Variants in ZNF385D observed in about 807,000 individuals in gnomAD.
ZNF385D encodes zinc finger protein 659.
In ZNF385D, 15 loss-of-function variants were observed where a neutral mutation model predicts 35.8. The ratio of observed to expected loss-of-function variants is 0.42; its 90% CI spans 0.28 to 0.64. The LOEUF (loss-of-function observed/expected upper bound fraction) is 0.64, where lower values mean the gene tolerates loss of function less well. ZNF385D is among the 30% of genes least tolerant of loss of function. ZNF385D has a pLI of 0.23. For missense variants in ZNF385D, 474 were observed against 494.6 expected, an observed-to-expected ratio of 0.96 and a Z score of 0.39; for synonymous variants, 212 against 186.8, an observed-to-expected ratio of 1.13 and a Z score of -1.10.
chr3:22,332,642 C>G (rs1559525344), intron 2 of ZNF385D, among the ~76,000 whole-genome samples: 1 of 151,882 alleles, frequency 6.6e-6, no homozygotes, highest in Non-Finnish European at 1.5e-5. Context: ...TAAATAAAAG[C>G]TTAATTTATT....
chr3:21,515,917 G>T (rs1707530226), intron 3 of ZNF385D, among the ~76,000 whole-genome samples: 2 of 152,118 alleles, frequency 1.3e-5, no homozygotes, highest in South Asian at 4.1e-4. Flanking sequence ...TTCCCCAATT[G>T]CTCCTATAGA....
intron 3 of ZNF385D, among the ~76,000 whole-genome samples, chr3:21,953,048 G>C (rs1188699892): frequency 6.6e-6 from 1 of 151,818 alleles, no homozygotes; most frequent in African/African-American, 2.4e-5. Context: ...TTATTTTCCA[G>C]CTTTATGTGC....
chr3:21,962,881 T>G (rs577768236), intron 3 of ZNF385D, among the ~76,000 whole-genome samples: 34 of 152,356 alleles, frequency 2.2e-4, no homozygotes, highest in African/African-American at 7.7e-4. Flanking sequence ...GCAAGACATC[T>G]TGGAGTCACC....
At chr3:21,509,242 C>T (rs561029304) in intron 4 of ZNF385D, among the ~76,000 whole-genome samples, 3 of 152,082 alleles carry the variant, frequency 2.0e-5, no homozygotes, top group Non-Finnish European at 2.9e-5. Context: ...CAAGGAAAAA[C>T]GTCACTTTAA....
chr3:22,162,782 C>T (rs1182258474), intron 3 of ZNF385D, among the ~76,000 whole-genome samples: 7 of 152,148 alleles, frequency 4.6e-5, no homozygotes, highest in Admixed American at 2.6e-4. Flanking sequence ...TGTTAATTGA[C>T]CTCTCTATGG....
At chr3:21,855,749 ATAACT>A (rs1263030191) in intron 3 of ZNF385D, among the ~76,000 whole-genome samples, 5 of 152,072 alleles carry the variant, frequency 3.3e-5, no homozygotes, top group South Asian at 2.1e-4. Context: ...ATTTAAAGTA[ATAACT>A]TAAGTAAACT....
chr3:21,926,364 A>T (rs1374375535), intron 3 of ZNF385D, among the ~76,000 whole-genome samples: 1 of 152,000 alleles, frequency 6.6e-6, no homozygotes, highest in Non-Finnish European at 1.5e-5. Flanking sequence ...ACTCCCACTT[A>T]TGAGTGAGAA....
At chr3:22,074,668 C>T (rs897613595) in intron 3 of ZNF385D, among the ~76,000 whole-genome samples, 4 of 151,892 alleles carry the variant, frequency 2.6e-5, no homozygotes, top group African/African-American at 7.2e-5. Context: ...TTTTTATGCT[C>T]CCATTCTCCA....
chr3:21,991,096 G>T (rs1230668410), intron 3 of ZNF385D, among the ~76,000 whole-genome samples: 1 of 152,150 alleles, frequency 6.6e-6, no homozygotes, highest in African/African-American at 2.4e-5. Flanking sequence ...TTATGAAAAT[G>T]TAAGTAATCA....
chr3:21,782,086 G>C (rs1247241110), intron 3 of ZNF385D, among the ~76,000 whole-genome samples: 1 of 151,998 alleles, frequency 6.6e-6, no homozygotes, highest in Non-Finnish European at 1.5e-5. Flanking sequence ...TTTATGACTT[G>C]GAAGCCCTCT....
chr3:22,318,846 T>C (rs1455163595), intron 2 of ZNF385D, among the ~76,000 whole-genome samples: 1 of 152,144 alleles, frequency 6.6e-6, no homozygotes, highest in East Asian at 1.9e-4. Context: ...TCATGATGAA[T>C]ATAAAGGTAA....
chr3:21,690,900 T>C (rs557712973), intron 1 of ZNF385D, among the ~76,000 whole-genome samples: 1 of 152,312 alleles, frequency 6.6e-6, no homozygotes, highest in South Asian at 2.1e-4. Context: ...CCTGTGCACC[T>C]ACGTGATCAA....
At chr3:22,244,781 T>G (rs1312102655) in intron 2 of ZNF385D, among the ~76,000 whole-genome samples, 3 of 151,008 alleles carry the variant, frequency 2.0e-5, no homozygotes, top group Non-Finnish European at 4.4e-5. Flanking sequence ...TCTAAAATCA[T>G]TGTAGGCACA....
chr3:21,592,826 G>A (rs2064022054), intron 2 of ZNF385D, among the ~76,000 whole-genome samples: 1 of 152,164 alleles, frequency 6.6e-6, no homozygotes, highest in South Asian at 2.1e-4. Context: ...ACTTCCACAA[G>A]GGAAAAGCAT....
intron 3 of ZNF385D, among the ~76,000 whole-genome samples, chr3:22,140,052 T>C (rs921897607): frequency 1.2e-4 from 19 of 152,184 alleles, no homozygotes; most frequent in African/African-American, 4.6e-4. Context: ...CAGTTTCTTA[T>C]AAAGCTAAAC....
At chr3:22,174,135 C>A (rs1438662607) in intron 2 of ZNF385D, among the ~76,000 whole-genome samples, 1 of 152,088 alleles carries the variant, frequency 6.6e-6, no homozygotes, top group Non-Finnish European at 1.5e-5. Context: ...TTGCAACTCC[C>A]ACAATCATTA....
chr3:21,607,057 G>A (rs527844119), intron 2 of ZNF385D, among the ~76,000 whole-genome samples: 1 of 152,252 alleles, frequency 6.6e-6, no homozygotes, highest in South Asian at 2.1e-4. Flanking sequence ...CACTTACAGA[G>A]TAGACAATTT....
chr3:21,890,572 T>A (rs1329605321), intron 3 of ZNF385D, among the ~76,000 whole-genome samples: 1 of 151,902 alleles, frequency 6.6e-6, no homozygotes, highest in African/African-American at 2.4e-5. Context: ...TGAGCCAAGA[T>A]CGCGCCACTG....
chr3:21,820,697 G>A (rs1052429302), intron 3 of ZNF385D, among the ~76,000 whole-genome samples: 1 of 150,040 alleles, frequency 6.7e-6, no homozygotes, highest in Non-Finnish European at 1.5e-5. Flanking sequence ...AAAAATAGAG[G>A]GACTGTATAA....
Sources: allele counts gnomAD v4.1 joint callset (sites outside exome capture counted in the v4.1 genomes callset), GRCh38; gene constraint gnomAD v4.1.1; transcripts MANE v1.5; gene names NCBI Gene and HGNC (gene_info 2026-07-23, HGNC 2026-07-21).